MLLT10: variants seen among roughly 807,000 people sequenced by gnomAD.
MLLT10 encodes the protein MLLT10 histone lysine methyltransferase DOT1L cofactor, also known as protein AF-10.
Under a neutral mutation model 129.1 loss-of-function variants are expected in MLLT10, and 30 were observed. The ratio of observed to expected loss-of-function variants is 0.23; its 90% confidence interval spans 0.17 to 0.32. MLLT10 has a LOEUF of 0.32. Ranked by LOEUF, MLLT10 falls within the 10% of genes least tolerant of loss-of-function variation. The pLI is 1.00. For synonymous variants in MLLT10, 490 were observed against 446.4 expected (o/e 1.10, Z -1.23); for missense variants, 1,119 against 1,268.3 (o/e 0.88, Z 1.79).
intron 8 of MLLT10, chr10:21,624,480 G>A (rs2046220551): frequency 1.7e-6 from 1 of 596,266 alleles, no homozygotes; most frequent in African/African-American, 1.9e-5. Context: ...AATACAAATG[G>A]CAGCAAATTG....
chr10:21,657,392 CAAAA>C (rs904471815), intron 9 of MLLT10, among the ~76,000 whole-genome samples: 5 of 49,778 alleles, frequency 1.0e-4, no homozygotes, highest in Non-Finnish European at 2.2e-4. Flanking sequence ...GACTCTGTCT[CAAAA>C]AAAAAAAAAA....
At chr10:21,630,905 A>G (rs1289128679) in intron 8 of MLLT10, among the ~76,000 whole-genome samples, 1 of 152,230 alleles carries the variant, frequency 6.6e-6, no homozygotes, top group Non-Finnish European at 1.5e-5. Context: ...CGAGTTGTTC[A>G]TACAGTTGGC....
chr10:21,543,223 C>A (rs899436923), intron 3 of MLLT10, among the ~76,000 whole-genome samples: 1 of 152,044 alleles, frequency 6.6e-6, no homozygotes, highest in African/African-American at 2.4e-5. Context: ...TGGATTCAAG[C>A]GATTTTCCTG....
chr10:21,547,375 ATTG>A (rs1479857045), intron 3 of MLLT10, among the ~76,000 whole-genome samples: 1 of 133,186 alleles, frequency 7.5e-6, no homozygotes, highest in Non-Finnish European at 1.6e-5. Flanking sequence ...AATCTATGTT[ATTG>A]TTGTCTTTAT....
intron 5 of MLLT10, among the ~76,000 whole-genome samples, chr10:21,596,173 T>C (rs183366306): frequency 6.6e-6 from 1 of 152,286 alleles, no homozygotes; most frequent in Admixed American, 6.5e-5. Flanking sequence ...TAAATAAATA[T>C]AAGACAAAAA....
chr10:21,623,876 A>G (rs1288517843), intron 8 of MLLT10, among the ~76,000 whole-genome samples: 1 of 152,228 alleles, frequency 6.6e-6, no homozygotes, highest in East Asian at 1.9e-4. Context: ...AGTAACTGAT[A>G]GTGGTTAGAA....
chr10:21,714,016 T>G, intron 14 of MLLT10, 66 bp downstream of exon 14: 1 of 1,424,038 alleles, frequency 7.0e-7, no homozygotes, highest in Non-Finnish European at 9.5e-7. Flanking sequence ...TGAGTTTTGT[T>G]GGAGGAGAAA....
At chr10:21,721,433 A>T (rs1190113945) in intron 14 of MLLT10, among the ~76,000 whole-genome samples, 2 of 152,188 alleles carry the variant, frequency 1.3e-5, no homozygotes, top group Non-Finnish European at 2.9e-5. Context: ...CATTCAGTTA[A>T]TTGAGGACAC....
chr10:21,608,612 C>T (rs2044293840), intron 5 of MLLT10, among the ~76,000 whole-genome samples: 1 of 150,498 alleles, frequency 6.6e-6, no homozygotes, highest in South Asian at 2.1e-4. Context: ...GTTTCTATCT[C>T]CCTTTCTCTT....
intron 13 of MLLT10, among the ~76,000 whole-genome samples, chr10:21,690,129 G>C (rs1454736563): frequency 1.3e-5 from 2 of 152,166 alleles, no homozygotes; most frequent in East Asian, 3.9e-4. Flanking sequence ...AAAAATGTGG[G>C]TAGAGAAGAC....
At chr10:21,714,325 A>G (rs945996462) in intron 14 of MLLT10, among the ~76,000 whole-genome samples, 4 of 131,470 alleles carry the variant, frequency 3.0e-5, no homozygotes, top group African/African-American at 9.2e-5. Context: ...CACAAAAAAT[A>G]TATGAAATCT....
At chr10:21,673,980 C>A in intron 11 of MLLT10, 61 bp downstream of exon 11, 1 of 1,333,666 alleles carries the variant, frequency 7.5e-7, no homozygotes, top group South Asian at 1.6e-5. Context: ...TCTTCTGTCC[C>A]AAAACGTTTT....
chr10:21,666,332 A>G (rs1043302789), intron 9 of MLLT10, among the ~76,000 whole-genome samples: 4 of 151,980 alleles, frequency 2.6e-5, no homozygotes, highest in Non-Finnish European at 5.9e-5. Context: ...AACACAATTT[A>G]TTGTTACTAC....
intron 8 of MLLT10, among the ~76,000 whole-genome samples, chr10:21,650,447 G>T (rs945875683): frequency 1.3e-5 from 2 of 152,096 alleles, no homozygotes; most frequent in Non-Finnish European, 1.5e-5. Flanking sequence ...ACTTAGATCA[G>T]GAATTAAAAG....
At chr10:21,639,597 T>C (rs749316970) in intron 8 of MLLT10, among the ~76,000 whole-genome samples, 13 of 152,184 alleles carry the variant, frequency 8.5e-5, no homozygotes, top group African/African-American at 3.1e-4. Flanking sequence ...GCCTTTGTTA[T>C]ACCGAGTTCA....
In MLLT10 at chr10:21,743,473, G is replaced by C. The variant is rs1227817386; in HGVS notation, c.*1490G>C. 4 of 191,052 alleles carry C rather than the reference G, an allele frequency of 2.1e-5. No individual in the cohort carries two copies. Among genetic ancestry groups the C allele is most frequent in the African/African-American group, 9.3e-5 (4 of 42,986 alleles). 11.8% of individuals were successfully genotyped at this position (191,052 alleles called of 1,614,324 possible). A position where few individuals can be genotyped will look rare whatever the true frequency, so the allele number is the denominator to read the frequency against. ...TTTGTAGATAATTTAAAAAATCAGT[G>C]TGGTTTATTTTACTTATTTAACCCA... On this transcript the variant is annotated 3_prime_UTR_variant, in exon 23 of 23. Transcript: ENST00000307729.
At chr10:21,737,530 G>GTT (rs1048956188) in intron 21 of MLLT10, among the ~76,000 whole-genome samples, 7 of 152,200 alleles carry the variant, frequency 4.6e-5, no homozygotes, top group Non-Finnish European at 7.3e-5. Context: ...CTGGAGGTGG[G>GTT]TTTTATGTGG....
At chr10:21,631,947 T>C (rs1348280334) in intron 8 of MLLT10, among the ~76,000 whole-genome samples, 26 of 131,720 alleles carry the variant, frequency 2.0e-4, no homozygotes, top group Admixed American at 1.8e-3. Flanking sequence ...TTTTTTTTTT[T>C]GGTTTTAGTA....
At chr10:21,675,689 G>A (rs554864996) in intron 11 of MLLT10, among the ~76,000 whole-genome samples, 5 of 152,258 alleles carry the variant, frequency 3.3e-5, no homozygotes, top group African/African-American at 7.2e-5. Flanking sequence ...AGCAAGAGGC[G>A]TAGTAATCAA....
Sources: gnomAD v4.1 joint callset for allele counts (sites outside exome capture counted in the v4.1 genomes callset) on GRCh38, gnomAD v4.1.1 for gene constraint, MANE v1.5 for transcripts, NCBI Gene and HGNC (gene_info 2026-07-23, HGNC 2026-07-21) for gene names.